Variants in LDLRAD3 observed in about 807,000 individuals in gnomAD.
LDLRAD3 encodes the protein low density lipoprotein receptor class A domain containing 3.
In LDLRAD3, 20 loss-of-function variants were observed where a neutral mutation model predicts 29.4. That is an observed-to-expected ratio of 0.68 (90% CI 0.48 to 0.99). LDLRAD3 has a LOEUF of 0.99. LDLRAD3 is among the 50% of genes least tolerant of loss of function. The pLI, the probability that LDLRAD3 is intolerant of heterozygous loss-of-function variation, is 0.00. For missense variants in LDLRAD3, 420 were observed against 454.3 expected, an observed-to-expected ratio of 0.92 and a Z score of 0.69; for synonymous variants, 157 against 192.7, an observed-to-expected ratio of 0.81 and a Z score of 1.53.
chr11:36,040,708 C>T (rs571807726), intron 2 of LDLRAD3, among the ~76,000 whole-genome samples: 7 of 152,218 alleles, frequency 4.6e-5, no homozygotes, highest in African/African-American at 1.7e-4. Flanking sequence ...ATTAAAATTA[C>T]TGGGTTGGAG....
intron 2 of LDLRAD3, among the ~76,000 whole-genome samples, chr11:36,047,769 T>A (rs1590225389): frequency 6.6e-6 from 1 of 152,164 alleles, no homozygotes; most frequent in East Asian, 1.9e-4. Context: ...TTCCTCATCA[T>A]CCCCATGGCA....
chr11:36,045,737 TC>T (rs1372754255), intron 2 of LDLRAD3, among the ~76,000 whole-genome samples: 1 of 151,386 alleles, frequency 6.6e-6, no homozygotes. Flanking sequence ...TTTTTTTTTT[TC>T]ATTTCAAAAA....
intron 4 of LDLRAD3, among the ~76,000 whole-genome samples, chr11:36,113,602 A>G (rs1163573044): frequency 6.6e-6 from 1 of 151,612 alleles, no homozygotes; most frequent in Admixed American, 6.6e-5. Context: ...AGGCTGATCA[A>G]TGTTTTCTTT....
At chr11:36,036,282 G>C (rs373611251) in intron 2 of LDLRAD3, 33 bp downstream of exon 2, 11 of 1,613,402 alleles carry the variant, frequency 6.8e-6, no homozygotes, top group South Asian at 1.1e-5. Flanking sequence ...GGGGTGGGGT[G>C]GCAGCCATCC....
intron 4 of LDLRAD3, among the ~76,000 whole-genome samples, chr11:36,217,431 A>C (rs950841558): frequency 6.6e-6 from 1 of 152,116 alleles, no homozygotes; most frequent in Non-Finnish European, 1.5e-5. Flanking sequence ...TGCTGGAACT[A>C]GACTTCCTGG....
intron 4 of LDLRAD3, among the ~76,000 whole-genome samples, chr11:36,103,366 T>G (rs1428048658): frequency 1.3e-5 from 2 of 151,118 alleles, no homozygotes. Flanking sequence ...GCCTCCAGAG[T>G]AGCTGGGACT....
chr11:36,118,129 C>A (rs1853699984), intron 4 of LDLRAD3, among the ~76,000 whole-genome samples: 1 of 152,124 alleles, frequency 6.6e-6, no homozygotes, highest in African/African-American at 2.4e-5. Context: ...AACTTAACAT[C>A]CTCCATGATA....
At chr11:36,091,496 T>C (rs1328090352) in intron 3 of LDLRAD3, among the ~76,000 whole-genome samples, 1 of 143,744 alleles carries the variant, frequency 7.0e-6, no homozygotes, top group Non-Finnish European at 1.5e-5. Context: ...CCTCCCTCCC[T>C]CCCTCTGCCA....
chr11:36,120,847 C>T (rs1472215906), intron 4 of LDLRAD3, among the ~76,000 whole-genome samples: 3 of 152,150 alleles, frequency 2.0e-5, no homozygotes, highest in South Asian at 2.1e-4. Context: ...GAGCCCTCAT[C>T]GATGCCCTTA....
chr11:36,188,348 A>G (rs1188977581), intron 4 of LDLRAD3, among the ~76,000 whole-genome samples: 2 of 146,472 alleles, frequency 1.4e-5, no homozygotes. Context: ...CCACAGGGAC[A>G]AAGAAAAGGA....
chr11:36,216,072 C>T (rs140964173), intron 4 of LDLRAD3, among the ~76,000 whole-genome samples: 1 of 152,316 alleles, frequency 6.6e-6, no homozygotes, highest in African/African-American at 2.4e-5. Flanking sequence ...GAGCTGCTCC[C>T]AGTGCTTGGC....
intron 1 of LDLRAD3, among the ~76,000 whole-genome samples, chr11:36,030,173 C>T (rs1852218023): frequency 6.6e-6 from 1 of 152,180 alleles, no homozygotes; most frequent in Non-Finnish European, 1.5e-5. Context: ...CCAGAAGGCC[C>T]ATCTTCGCCC....
chr11:36,123,945 G>A (rs11033440), intron 4 of LDLRAD3, among the ~76,000 whole-genome samples: 8,174 of 152,322 alleles, frequency 0.054, 504 homozygotes, highest in East Asian at 0.34. Context: ...GTAAGTCAGC[G>A]CATCCGAGTG....
chr11:35,992,832 A>G (rs1019688417), intron 1 of LDLRAD3, among the ~76,000 whole-genome samples: 1 of 152,196 alleles, frequency 6.6e-6, no homozygotes, highest in African/African-American at 2.4e-5. Flanking sequence ...TATACTTTCA[A>G]TGGGTAAATT....
At chr11:36,185,094 G>T (rs968855739) in intron 4 of LDLRAD3, among the ~76,000 whole-genome samples, 1 of 152,060 alleles carries the variant, frequency 6.6e-6, no homozygotes, top group East Asian at 1.9e-4. Flanking sequence ...TATATAGCTC[G>T]CCATATTACT....
chr11:36,184,609 C>CCTGT (rs1664104459), intron 4 of LDLRAD3, among the ~76,000 whole-genome samples: 1 of 152,142 alleles, frequency 6.6e-6, no homozygotes, highest in African/African-American at 2.4e-5. Flanking sequence ...AGGAGTACTA[C>CCTGT]CAGTTCAGGA....
chr11:36,210,261 A>G (rs1343761653), intron 4 of LDLRAD3, among the ~76,000 whole-genome samples: 2 of 152,172 alleles, frequency 1.3e-5, no homozygotes, highest in Non-Finnish European at 2.9e-5. Context: ...TCATCTTTGT[A>G]TCACATCAGA....
intron 4 of LDLRAD3, among the ~76,000 whole-genome samples, chr11:36,205,001 A>G (rs913838266): frequency 3.3e-5 from 5 of 151,990 alleles, no homozygotes; most frequent in Non-Finnish European, 5.9e-5. Context: ...CACAGCCCCC[A>G]TCTTCCCCTC....
At position 36,227,314 on chromosome 11, in the gene LDLRAD3, C is replaced by T. The variant is rs1855514026; in HGVS notation, c.684C>T (p.His228=). Residue 228 remains histidine (H), a synonymous_variant, in exon 5 of 6, where the codon CAC becomes CAT. Coordinates refer to ENST00000315571, the MANE Select transcript of LDLRAD3 (RefSeq NM_174902.4). Reference sequence around the variant, plus strand: ...TGGTGGTCCTGGACCACCCCCACCACTGCAACGTCACCTACAACGTCAATA... The same window carrying T: ...TGGTGGTCCTGGACCACCCCCACCATTGCAACGTCACCTACAACGTCAATA... ...SRLVVLDHPH[H]CNVTYNVNNG... 5 of 1,614,232 alleles carry T rather than the reference C, an allele frequency of 3.1e-6. No homozygotes were observed. Among genetic ancestry groups the T allele is most frequent in the Non-Finnish European group, 4.2e-6 (5 of 1,180,042 alleles).
Sources: gnomAD v4.1 joint callset for allele counts (sites outside exome capture counted in the v4.1 genomes callset) on GRCh38, gnomAD v4.1.1 for gene constraint, MANE v1.5 for transcripts, NCBI Gene and HGNC (gene_info 2026-07-23, HGNC 2026-07-21) for gene names.